Variants in AGBL1 observed in about 807,000 individuals in gnomAD.
The protein encoded by AGBL1 is cytosolic carboxypeptidase 4.
Under a neutral mutation model 118.9 loss-of-function variants are expected in AGBL1, and 130 were observed. That is an observed-to-expected ratio of 1.09 (90% CI 0.95 to 1.26). The LOEUF is 1.26. AGBL1 is among the 50% of genes most tolerant of loss of function. The probability of loss-of-function intolerance (pLI) is 0.00; values close to 1 mark genes in which losing one functional copy is unlikely to be tolerated. For synonymous variants in AGBL1, 555 were observed against 478.9 expected, an observed-to-expected ratio of 1.16 and a Z score of -2.08; for missense variants, 1,584 against 1,298.1, an observed-to-expected ratio of 1.22 and a Z score of -3.38.
At chr15:86,562,830 TG>T (rs1391082951) in intron 21 of AGBL1, among the ~76,000 whole-genome samples, 1 of 151,238 alleles carries the variant, frequency 6.6e-6, no homozygotes, top group African/African-American at 2.4e-5. Flanking sequence ...AGCCTGTTAT[TG>T]GTCTATTCAG....
At chr15:86,673,325 C>T (rs556876335) in intron 21 of AGBL1, among the ~76,000 whole-genome samples, 2 of 152,202 alleles carry the variant, frequency 1.3e-5, no homozygotes, top group South Asian at 4.2e-4. Context: ...GTTCGCTGAG[C>T]CCAAGACCAC....
At chr15:86,355,937 A>G (rs905074433) in intron 17 of AGBL1, among the ~76,000 whole-genome samples, 1 of 152,136 alleles carries the variant, frequency 6.6e-6, no homozygotes, top group Non-Finnish European at 1.5e-5. Flanking sequence ...GAATTTAATG[A>G]TGCACTCATG....
intron 3 of AGBL1, among the ~76,000 whole-genome samples, chr15:86,149,018 A>C (rs1036974561): frequency 4.6e-5 from 7 of 152,224 alleles, no homozygotes; most frequent in Non-Finnish European, 5.9e-5. Flanking sequence ...TTTCATACCC[A>C]GCCAAACTAT....
chr15:86,258,733 G>C (rs901570718), intron 9 of AGBL1, among the ~76,000 whole-genome samples: 7 of 151,940 alleles, frequency 4.6e-5, no homozygotes, highest in African/African-American at 1.7e-4. Flanking sequence ...TTGAGACAGA[G>C]TCTCACTCGT....
chr15:86,739,107 C>A (rs1012188575), intron 22 of AGBL1, among the ~76,000 whole-genome samples: 3 of 152,088 alleles, frequency 2.0e-5, no homozygotes, highest in African/African-American at 7.2e-5. Flanking sequence ...GATCACACCA[C>A]TGCATTCCAG....
At chr15:86,135,876 G>C (rs1231721807) in intron 1 of AGBL1, among the ~76,000 whole-genome samples, 1 of 152,184 alleles carries the variant, frequency 6.6e-6, no homozygotes, top group Non-Finnish European at 1.5e-5. Flanking sequence ...CTGAGGCTAA[G>C]ACAAAAGAAG....
At chr15:86,983,454 G>A (rs909851509) in intron 23 of AGBL1, among the ~76,000 whole-genome samples, 1 of 152,178 alleles carries the variant, frequency 6.6e-6, no homozygotes, top group African/African-American at 2.4e-5. Context: ...ATGACCTGGT[G>A]ATGAAATATC....
intron 24 of AGBL1, among the ~76,000 whole-genome samples, chr15:87,021,475 A>T (rs2081663840): frequency 6.7e-6 from 1 of 149,838 alleles, no homozygotes; most frequent in South Asian, 2.1e-4. Flanking sequence ...CAATTGCAAC[A>T]GAAGCAAAAA....
chr15:86,992,092 T>C (rs1019272258), intron 24 of AGBL1, among the ~76,000 whole-genome samples: 1 of 152,090 alleles, frequency 6.6e-6, no homozygotes, highest in Non-Finnish European at 1.5e-5. Context: ...GTGAGAGGCC[T>C]CAAGGAGCTT....
intron 18 of AGBL1, among the ~76,000 whole-genome samples, chr15:86,492,291 GA>G (rs1404803622): frequency 6.6e-6 from 1 of 152,202 alleles, no homozygotes; most frequent in East Asian, 1.9e-4. Context: ...TTCAAAATTT[GA>G]AGGACTATGA....
chr15:86,535,957 C>T (rs1233355913), intron 19 of AGBL1, among the ~76,000 whole-genome samples: 1 of 152,064 alleles, frequency 6.6e-6, no homozygotes, highest in Non-Finnish European at 1.5e-5. Context: ...TAGAATTTCC[C>T]TTTTTTTACA....
Position 86,358,952 on chromosome 15 carries a change from A to AT in AGBL1, c.2375-38404dup, listed in dbSNP as rs200755043. On this transcript the variant is annotated intron_variant, in intron 17 of 22. Coordinates refer to ENST00000614907, the MANE Select transcript of AGBL1 (RefSeq NM_001386094.1). ...TTTATCAGATGTATGATTTGCAAGT[A>AT]TTTTTTTTTTCCATTTTGTAGGTTG... is the stretch of plus-strand genomic sequence containing the variant. Among the ~76,000 whole-genome samples, 776 of 148,076 alleles carry AT rather than the reference A, an allele frequency of 5.2e-3. 6 individuals carry two copies. The highest frequency in any genetic ancestry group is 0.018 in the Middle Eastern group (5 of 284).
At chr15:86,126,189 CCTG>C (rs1898419161) in intron 1 of AGBL1, among the ~76,000 whole-genome samples, 2 of 151,980 alleles carry the variant, frequency 1.3e-5, no homozygotes, top group Non-Finnish European at 2.9e-5. Context: ...TATAACCACG[CCTG>C]CTGACATTGA....
intron 6 of AGBL1, among the ~76,000 whole-genome samples, chr15:86,225,514 C>T (rs2078347786): frequency 1.3e-5 from 2 of 152,128 alleles, no homozygotes; most frequent in Admixed American, 1.3e-4. Flanking sequence ...TTCTCAGTTA[C>T]TTGAGTGATT....
chr15:86,841,462 G>C (rs184909008), intron 22 of AGBL1, among the ~76,000 whole-genome samples: 32 of 152,272 alleles, frequency 2.1e-4, no homozygotes, highest in African/African-American at 7.7e-4. Flanking sequence ...ACCTATGAAT[G>C]TTTTTTAATT....
chr15:86,553,359 G>T (rs2083689224), intron 20 of AGBL1, among the ~76,000 whole-genome samples: 1 of 152,102 alleles, frequency 6.6e-6, no homozygotes, highest in Non-Finnish European at 1.5e-5. Context: ...GTCAATCAGG[G>T]TGTCAAGTGT....
At chr15:86,772,435 C>T (rs774671083) in intron 22 of AGBL1, among the ~76,000 whole-genome samples, 4 of 152,050 alleles carry the variant, frequency 2.6e-5, no homozygotes, top group Admixed American at 1.3e-4. Flanking sequence ...GTCTTTGTCA[C>T]ATTCATATAG....
intron 17 of AGBL1, among the ~76,000 whole-genome samples, chr15:86,390,837 T>A (rs750044850): frequency 6.6e-6 from 1 of 151,706 alleles, no homozygotes; most frequent in African/African-American, 2.4e-5. Flanking sequence ...GCCCAGCAAA[T>A]TTTTGTATTT....
chr15:86,931,408 C>G (rs1490439076), intron 23 of AGBL1, among the ~76,000 whole-genome samples: 1 of 152,138 alleles, frequency 6.6e-6, no homozygotes, highest in African/African-American at 2.4e-5. Context: ...CAGATAAACA[C>G]CCACCTTTCT....
Sources: allele counts gnomAD v4.1 joint callset (sites outside exome capture counted in the v4.1 genomes callset), GRCh38; gene constraint gnomAD v4.1.1; transcripts MANE v1.5; gene names NCBI Gene and HGNC (gene_info 2026-07-23, HGNC 2026-07-21).